Variants in ASCC1 observed in about 807,000 individuals in gnomAD.
The protein encoded by ASCC1 is activating signal cointegrator 1 complex subunit 1.
Under a neutral mutation model 46.6 loss-of-function variants are expected in ASCC1, and 35 were observed. The observed-to-expected ratio is 0.75, with a 90% CI of 0.57 to 0.99. The LOEUF (loss-of-function observed/expected upper bound fraction) is 0.99. Ranked by LOEUF, ASCC1 falls within the 50% of genes least tolerant of loss-of-function variation. The pLI is 0.00. For synonymous variants in ASCC1, 143 were observed against 146.6 expected, an observed-to-expected ratio of 0.98 and a Z score of 0.18; for missense variants, 376 against 428.7, an observed-to-expected ratio of 0.88 and a Z score of 1.09.
intron 1 of ASCC1, among the ~76,000 whole-genome samples, chr10:72,214,539 C>T (rs61853777): frequency 1.3e-5 from 2 of 151,780 alleles, no homozygotes; most frequent in African/African-American, 4.8e-5. Context: ...CCACCCCCGG[C>T]TAATTTTTTG....
At chr10:72,196,651 C>T (rs1023808529) in intron 5 of ASCC1, among the ~76,000 whole-genome samples, 160 bp downstream of exon 5, 2 of 152,054 alleles carry the variant, frequency 1.3e-5, no homozygotes, top group African/African-American at 4.8e-5. Context: ...TATGTCCATA[C>T]ACTTTTTTTT....
chr10:72,145,593 A>G (rs1847532131), intron 7 of ASCC1, among the ~76,000 whole-genome samples: 1 of 152,254 alleles, frequency 6.6e-6, no homozygotes, highest in Admixed American at 6.5e-5. Context: ...TTTAATCTTG[A>G]TAAAGCAGTG....
At chr10:72,131,843 C>A (rs1337234308) in intron 8 of ASCC1, among the ~76,000 whole-genome samples, 1 of 151,160 alleles carries the variant, frequency 6.6e-6, no homozygotes, top group Non-Finnish European at 1.5e-5. Context: ...TGATTCAAGT[C>A]CTGATGGAGT....
chr10:72,206,564 G>A (rs1857248172), intron 3 of ASCC1, among the ~76,000 whole-genome samples: 1 of 152,146 alleles, frequency 6.6e-6, no homozygotes, highest in Admixed American at 6.6e-5. Context: ...TGCCCCTAAC[G>A]TTAGTAGATT....
intron 5 of ASCC1, among the ~76,000 whole-genome samples, chr10:72,180,544 T>C (rs758843489): frequency 6.6e-5 from 10 of 152,168 alleles, no homozygotes; most frequent in Non-Finnish European, 1.0e-4. Flanking sequence ...AAGAATCACT[T>C]GAACTCAGGA....
In ASCC1 at chr10:72,158,173, C is replaced by T. The variant is rs146156058; in HGVS notation, c.626+3365G>A. ...GAGATGAAAGAGCAGGATAGAAATC[C>T]GATGGTTTGCCCGATAAACACTCTT... On this transcript the variant is annotated intron_variant, in intron 6 of 9. Transcript: ENST00000672957. 4.5e-4 allele frequency among the ~76,000 whole-genome samples: 69 copies of T among 152,276 alleles called. 1 individual carries two copies. The highest frequency in any genetic ancestry group is 2.5e-3 in the South Asian group (12 of 4,824).
chr10:72,190,456 A>T, intron 5 of ASCC1: 1 of 1,598,508 alleles, frequency 6.3e-7, no homozygotes, highest in Non-Finnish European at 8.5e-7. Context: ...GTGGGCTGAC[A>T]TCTGCAGGCC....
intron 9 of ASCC1, among the ~76,000 whole-genome samples, chr10:72,118,550 C>T (rs1256518614): frequency 1.3e-5 from 2 of 151,894 alleles, no homozygotes; most frequent in East Asian, 1.9e-4. Context: ...GAGGCCAAGG[C>T]GGGTGGATTA....
chr10:72,177,895 A>G (rs113867600), intron 5 of ASCC1, among the ~76,000 whole-genome samples: 19 of 152,348 alleles, frequency 1.2e-4, no homozygotes, highest in African/African-American at 4.3e-4. Context: ...TAAATCCTAC[A>G]TTAAATACTC....
chr10:72,116,402 C>A (rs1443225727), intron 9 of ASCC1, among the ~76,000 whole-genome samples: 1 of 152,166 alleles, frequency 6.6e-6, no homozygotes, highest in African/African-American at 2.4e-5. Context: ...TGTAAGAAAG[C>A]AAAGTACAAT....
intron 5 of ASCC1, among the ~76,000 whole-genome samples, chr10:72,164,061 C>T (rs1440241640): frequency 6.6e-6 from 1 of 152,072 alleles, no homozygotes; most frequent in Admixed American, 6.5e-5. Flanking sequence ...CTCCCGGGTT[C>T]AAGCAATTCT....
At chr10:72,196,134 C>G (rs1472953920) in intron 5 of ASCC1, among the ~76,000 whole-genome samples, 1 of 152,070 alleles carries the variant, frequency 6.6e-6, no homozygotes, top group Non-Finnish European at 1.5e-5. Flanking sequence ...ATTCTACATG[C>G]AAATTTGTCT....
chr10:72,203,441 T>C lies in ASCC1; in HGVS notation c.296A>G (p.Gln99Arg). The change falls in exon 4 of 10, where the codon CAA becomes CGA. Residue 99 changes from glutamine to arginine, a missense_variant. Gln to Arg is a conservative substitution (Grantham distance 43). Transcript: ENST00000672957. ...CTGAGTCTCACCAATTTCCCCGTCT[T>C]GTCCAGGTTTAGGAATGCTAATAGA... ...KTSISIPKPG[Q>R]DGEIVITGQH... 6.2e-7 allele frequency: 1 copy of C among 1,613,002 alleles called. No homozygotes were observed. Among genetic ancestry groups the C allele is most frequent in the Non-Finnish European group, 8.5e-7 (1 of 1,179,002 alleles).
Position 72,210,735 on chromosome 10 carries a change from T to C in ASCC1, c.209A>G (p.Tyr70Cys), listed in dbSNP as rs1159002488. ...RSTLRAPSLLYKHIVGKRGDT... is the reference protein window; with the variant it reads ...RSTLRAPSLLCKHIVGKRGDT... Reference sequence around the variant, plus strand: ...AACTGTTGGGGACATGACTCACTTATAGAGCAAGCTGGGGGCCCTCAAAGT... The same window carrying C: ...AACTGTTGGGGACATGACTCACTTACAGAGCAAGCTGGGGGCCCTCAAAGT... Residue 70 changes from tyrosine (Y) to cysteine (C), a missense_variant, in exon 3 of 10, where the codon TAT (tyrosine) becomes TGT (cysteine). Tyr to Cys is a radical substitution (Grantham distance 194, BLOSUM62 -2). Transcript: ENST00000672957. 6.2e-6 allele frequency: 10 copies of C among 1,613,998 alleles called. No homozygotes were observed. Among genetic ancestry groups the C allele is most frequent in the Non-Finnish European group, 7.6e-6 (9 of 1,179,920 alleles).
At chr10:72,195,825 A>T (rs1855338293) in intron 5 of ASCC1, among the ~76,000 whole-genome samples, 1 of 151,524 alleles carries the variant, frequency 6.6e-6, no homozygotes, top group African/African-American at 2.4e-5. Flanking sequence ...CAAGAGTGAA[A>T]CGCTGTCTCA....
In ASCC1 at chr10:72,159,936, ACT is replaced by A. The variant is rs546806963; in HGVS notation, c.626+1600_626+1601del. Among the ~76,000 whole-genome samples, 627 of 134,858 alleles carry A rather than the reference ACT, an allele frequency of 4.6e-3. 6 individuals are homozygous for A. The highest frequency in any genetic ancestry group is 0.016 in the African/African-American group (567 of 35,170). The allele number at this position is 134,858 out of a possible 152,430, so 88.5% of individuals were successfully genotyped here. A position where few individuals can be genotyped will look rare whatever the true frequency, so the allele number is the denominator to read the frequency against. On this transcript the variant is annotated intron_variant, in intron 6 of 9. Coordinates refer to ENST00000672957, the MANE Select transcript of ASCC1 (RefSeq NM_001198800.3). ...TTTTTTTTTTTTGAGATGGAGTCTC[ACT>A]CTGTCGCCCAGGCTGGAGTGCAGTG...
chr10:72,190,583 T>C, intron 5 of ASCC1: 2 of 1,279,056 alleles, frequency 1.6e-6, no homozygotes, highest in South Asian at 1.3e-5. Context: ...CTAATATAAG[T>C]AAAGTTTGTA....
Position 72,096,696 on chromosome 10 carries a change from CG to C in ASCC1, c.*637del. 2.2e-6 allele frequency: 1 copy of C among 454,028 alleles called. No homozygotes were observed. The highest frequency in any genetic ancestry group is 4.4e-6 in the Non-Finnish European group (1 of 226,786). 28.1% of individuals were successfully genotyped at this position (454,028 alleles called of 1,614,324 possible). On this transcript the variant is annotated 3_prime_UTR_variant, in exon 10 of 10. Coordinates refer to ENST00000672957, the MANE Select transcript of ASCC1 (RefSeq NM_001198800.3). ...ACTGATGGAGGAACAGAGTGTGGTACGCACATGTAACGGAACATTCCATTAT... is the reference window on the plus strand; with the variant it reads ...ACTGATGGAGGAACAGAGTGTGGTACCACATGTAACGGAACATTCCATTAT...
intron 7 of ASCC1, among the ~76,000 whole-genome samples, chr10:72,147,743 T>G (rs900397190): frequency 1.3e-5 from 2 of 152,156 alleles, no homozygotes; most frequent in African/African-American, 4.8e-5. Flanking sequence ...AAAAACAGTA[T>G]TTATCTTACA....
Sources: gnomAD v4.1 joint callset for allele counts (sites outside exome capture counted in the v4.1 genomes callset) on GRCh38, gnomAD v4.1.1 for gene constraint, MANE v1.5 for transcripts, NCBI Gene and HGNC (gene_info 2026-07-23, HGNC 2026-07-21) for gene names.